Variants in FAM193A observed in about 807,000 individuals in gnomAD.
The protein encoded by FAM193A is protein FAM193A.
In FAM193A, 22 loss-of-function variants were observed where a neutral mutation model predicts 126.5. The ratio of observed to expected loss-of-function variants is 0.17; its 90% CI spans 0.12 to 0.25. The LOEUF (loss-of-function observed/expected upper bound fraction) is 0.25, where lower values mean the gene tolerates loss of function less well. Among genes scored for constraint, FAM193A ranks in the 10% least tolerant of loss-of-function variants. The pLI is 1.00. For missense variants in FAM193A, 1,675 were observed against 1,672.8 expected (o/e 1.00, Z -0.02); for synonymous variants, 761 against 646.8 (o/e 1.18, Z -2.68).
chr4:2,655,336 T>G (rs573114284), intron 7 of FAM193A, among the ~76,000 whole-genome samples: 2 of 152,348 alleles, frequency 1.3e-5, no homozygotes, highest in African/African-American at 2.4e-5. Flanking sequence ...TGAGACATTC[T>G]TGCGTTCCTG....
chr4:2,719,993 C>T (rs767706053), intron 20 of FAM193A: 2 of 261,030 alleles, frequency 7.7e-6, no homozygotes, highest in South Asian at 6.4e-5. Context: ...CGGGGTTTCG[C>T]CACATTGCCC....
intron 2 of FAM193A, among the ~76,000 whole-genome samples, chr4:2,618,591 C>CAT: frequency 2.5e-5 from 2 of 79,846 alleles, no homozygotes; most frequent in East Asian, 6.4e-4. Flanking sequence ...CCATGCCCGG[C>CAT]TTTTTTTTTT....
chr4:2,696,681 C>A, intron 18 of FAM193A, 88 bp downstream of exon 18: 1 of 996,446 alleles, frequency 1.0e-6, no homozygotes, highest in Non-Finnish European at 1.5e-6. Context: ...CAGGGCTGAG[C>A]CACAGGAGGT....
At chr4:2,641,826 A>G (rs1163806139) in intron 6 of FAM193A, among the ~76,000 whole-genome samples, 1 of 151,870 alleles carries the variant, frequency 6.6e-6, no homozygotes, top group African/African-American at 2.4e-5. Context: ...ATCAGAAGCT[A>G]CACGTGCTGG....
At chr4:2,648,164 C>A (rs889605670) in intron 7 of FAM193A, among the ~76,000 whole-genome samples, 1 of 152,222 alleles carries the variant, frequency 6.6e-6, no homozygotes, top group African/African-American at 2.4e-5. Context: ...ACTGGGATTA[C>A]ATTTGTGAGC....
At chr4:2,600,603 C>G (rs952243842) in intron 2 of FAM193A, among the ~76,000 whole-genome samples, 6 of 152,146 alleles carry the variant, frequency 3.9e-5, no homozygotes, top group Admixed American at 3.9e-4. Context: ...TATTGACCTT[C>G]GTGCTTCAGG....
At chr4:2,629,976 C>CA (rs1332381674) in intron 4 of FAM193A, among the ~76,000 whole-genome samples, 2 of 151,846 alleles carry the variant, frequency 1.3e-5, no homozygotes, top group Non-Finnish European at 2.9e-5. Flanking sequence ...ACTAAAAATA[C>CA]AAAAAATTAG....
intron 2 of FAM193A, among the ~76,000 whole-genome samples, chr4:2,609,988 T>G (rs1741767781): frequency 6.6e-6 from 1 of 150,646 alleles, no homozygotes; most frequent in Admixed American, 6.6e-5. Context: ...TCCCAGCATT[T>G]TGGGAGGCCG....
chr4:2,583,444 T>C (rs1255562134), intron 1 of FAM193A, among the ~76,000 whole-genome samples: 4 of 152,078 alleles, frequency 2.6e-5, no homozygotes, highest in Non-Finnish European at 1.5e-5. Flanking sequence ...GCCCCCAAAT[T>C]AGGACTTTTG....
intron 1 of FAM193A, among the ~76,000 whole-genome samples, chr4:2,567,480 TCAAC>T (rs973010717): frequency 4.6e-5 from 7 of 152,188 alleles, no homozygotes; most frequent in African/African-American, 7.2e-5. Flanking sequence ...CACAAAGTAT[TCAAC>T]CAAGATTTTT....
intron 2 of FAM193A, among the ~76,000 whole-genome samples, chr4:2,604,882 C>T (rs1385441148): frequency 1.4e-5 from 2 of 146,508 alleles, no homozygotes; most frequent in African/African-American, 2.5e-5. Flanking sequence ...ACTGCAGCCT[C>T]GACCTCCTGG....
intron 1 of FAM193A, among the ~76,000 whole-genome samples, chr4:2,584,182 C>T (rs1053047563): frequency 9.9e-5 from 15 of 151,994 alleles, no homozygotes; most frequent in African/African-American, 3.6e-4. Flanking sequence ...TATTCATATC[C>T]AGTTGTGTAC....
Position 2,689,844 on chromosome 4 carries a change from C to T in FAM193A, c.2530+140C>T, listed in dbSNP as rs1390016227. The T allele has an allele frequency of 1.2e-5, 7 of 600,140 alleles. No homozygotes were observed. The East Asian group carries it at 1.9e-4, about 16-fold the overall frequency. The allele number at this position is 600,140 out of a possible 1,614,324, so 37.2% of individuals were successfully genotyped here. On this transcript the variant is annotated intron_variant, in intron 14 of 20. Transcript: ENST00000637812. ...CACCTCTGTCTCCAGTGGGAGGCCC[C>T]TCGGGGCTGTCATCCTACTCCATCC...
At chr4:2,721,886 AC>A (rs1456287240) in intron 20 of FAM193A, among the ~76,000 whole-genome samples, 2 of 152,230 alleles carry the variant, frequency 1.3e-5, no homozygotes, top group African/African-American at 2.4e-5. Flanking sequence ...ATGTGTTCAT[AC>A]CGCAGTGAAG....
chr4:2,693,184 A>G (rs1414355145), intron 15 of FAM193A, among the ~76,000 whole-genome samples: 1 of 151,958 alleles, frequency 6.6e-6, no homozygotes, highest in Non-Finnish European at 1.5e-5. Flanking sequence ...ACGCCCAGCT[A>G]ATTTTTTGTA....
chr4:2,710,447 A>G (rs978504001), intron 19 of FAM193A, among the ~76,000 whole-genome samples: 6 of 151,978 alleles, frequency 3.9e-5, no homozygotes, highest in Admixed American at 6.6e-5. Context: ...TGCTGGGATT[A>G]CAGGTGGGAG....
intron 13 of FAM193A, among the ~76,000 whole-genome samples, chr4:2,678,642 C>T (rs1205156378): frequency 1.3e-5 from 2 of 152,166 alleles, no homozygotes. Flanking sequence ...GGATTACAGG[C>T]ATGAGCCACT....
chr4:2,690,728 A>G lies in FAM193A; in HGVS notation c.2561A>G (p.Glu854Gly). ...GSEILGPTLSETRPEALPPPS... is the reference protein window; with the variant it reads ...GSEILGPTLSGTRPEALPPPS... ...GAAATATTAGGGCCAACACTCTCAG[A>G]AACAAGACCGGAAGCCCTTCCACCT... is the stretch of plus-strand genomic sequence containing the variant. The change falls in exon 15 of 21, where the codon GAA (glutamate) becomes GGA (glycine). Residue 854 changes from glutamate to glycine, a missense_variant. Physicochemically the swap from Glu to Gly is moderately conservative, Grantham distance 98. Transcript: ENST00000637812. The G allele has an allele frequency of 6.2e-7, 1 of 1,613,756 alleles. No homozygotes were observed. The highest frequency in any genetic ancestry group is 8.5e-7 in the Non-Finnish European group (1 of 1,179,924).
At chr4:2,598,807 G>A (rs1251059106) in intron 2 of FAM193A, among the ~76,000 whole-genome samples, 1 of 152,168 alleles carries the variant, frequency 6.6e-6, no homozygotes. Flanking sequence ...TGCTCGTGTG[G>A]GCCTGTAGAG....
Sources: allele counts gnomAD v4.1 joint callset (sites outside exome capture counted in the v4.1 genomes callset), GRCh38; gene constraint gnomAD v4.1.1; transcripts MANE v1.5; gene names NCBI Gene and HGNC (gene_info 2026-07-23, HGNC 2026-07-21).